KIF18A: variants seen among roughly 807,000 people sequenced by gnomAD.
The protein encoded by KIF18A is kinesin-like protein KIF18A.
A neutral mutation model predicts 103.3 loss-of-function variants in KIF18A; 67 were observed. The ratio of observed to expected loss-of-function variants is 0.65; its 90% confidence interval spans 0.53 to 0.79. The LOEUF is 0.79. Ranked by LOEUF, KIF18A falls within the 30% of genes least tolerant of loss-of-function variation. KIF18A has a pLI of 0.00. For synonymous variants in KIF18A, 367 were observed against 355.5 expected (o/e 1.03, Z -0.36); for missense variants, 1,032 against 1,062.5 (o/e 0.97, Z 0.40).
chr11:28,084,625 G>A lies in KIF18A; in HGVS notation c.1074+7C>T. ...CTTCACAACAAAGGCAGAGTAAACA[G>A]ACTTACAGAAGATTTAATGTCCTTT... is the stretch of plus-strand genomic sequence containing the variant. On this transcript the variant is annotated splice_region_variant and intron_variant, in intron 7 of 16. Transcript: ENST00000263181. The A allele has an allele frequency of 6.3e-7, 1 of 1,593,754 alleles. No individual in the cohort carries two copies. Among genetic ancestry groups the A allele is most frequent in the Non-Finnish European group, 8.6e-7 (1 of 1,164,390 alleles).
intron 10 of KIF18A, among the ~76,000 whole-genome samples, chr11:28,075,398 T>A (rs891958950): frequency 5.3e-5 from 8 of 152,176 alleles, no homozygotes; most frequent in Non-Finnish European, 7.4e-5. Flanking sequence ...ATAATATTAC[T>A]AAATATTTCA....
chr11:28,083,003 G>T (rs753718579), intron 8 of KIF18A, 35 bp from the exon 9 acceptor site: 30 of 1,480,804 alleles, frequency 2.0e-5, no homozygotes, highest in Non-Finnish European at 2.5e-5. Context: ...AAATACAAAA[G>T]AAGTCATTTA....
intron 15 of KIF18A, among the ~76,000 whole-genome samples, chr11:28,027,722 G>C (rs2133484964): frequency 6.6e-6 from 1 of 151,942 alleles, no homozygotes; most frequent in African/African-American, 2.4e-5. Flanking sequence ...TCCCAGCAAA[G>C]AAAAGCTTGG....
At chr11:28,022,253 A>G (rs375164929) in intron 16 of KIF18A, among the ~76,000 whole-genome samples, 1 of 151,488 alleles carries the variant, frequency 6.6e-6, no homozygotes, top group Non-Finnish European at 1.5e-5. Flanking sequence ...GAAAAAGCCA[A>G]GTTCTATGAT....
intron 15 of KIF18A, among the ~76,000 whole-genome samples, chr11:28,029,225 A>G (rs1439991368): frequency 6.6e-6 from 1 of 152,134 alleles, no homozygotes; most frequent in East Asian, 1.9e-4. Flanking sequence ...AGACACAACA[A>G]AAAAAGAGAA....
rs1850423977 is a variant in KIF18A at position 28,032,494 on chromosome 11, A to C, written c.2504+2893T>G. ...ACTACAGAGCTATAGTAACCAAAAA[A>C]GCACGGGACTGGCATAAAACCAGAC... On this transcript the variant is annotated intron_variant, in intron 15 of 16. Coordinates refer to ENST00000263181, the MANE Select transcript of KIF18A (RefSeq NM_031217.4). 2.0e-5 allele frequency among the ~76,000 whole-genome samples: 3 copies of C among 151,994 alleles called. No individual in the cohort carries two copies. In the South Asian group the frequency reaches 6.2e-4, roughly 31 times the overall value.
intron 13 of KIF18A, among the ~76,000 whole-genome samples, chr11:28,048,455 C>T (rs887895225): frequency 6.6e-6 from 1 of 151,968 alleles, no homozygotes; most frequent in African/African-American, 2.4e-5. Context: ...AATGTGTCTA[C>T]AGCAAGTAGT....
chr11:28,106,769 G>A (rs947526218), intron 1 of KIF18A, among the ~76,000 whole-genome samples: 1 of 151,988 alleles, frequency 6.6e-6, no homozygotes, highest in Non-Finnish European at 1.5e-5. Flanking sequence ...TCAGGAGTTC[G>A]AGACCAGCCT....
At chr11:28,067,516 T>C (rs1315930887) in intron 11 of KIF18A, among the ~76,000 whole-genome samples, 1 of 152,108 alleles carries the variant, frequency 6.6e-6, no homozygotes, top group African/African-American at 2.4e-5. Flanking sequence ...TGCTAGCCCA[T>C]CAGAGAATCC....
At chr11:28,054,149 A>T (rs939734817) in intron 13 of KIF18A, among the ~76,000 whole-genome samples, 1 of 152,162 alleles carries the variant, frequency 6.6e-6, no homozygotes, top group African/African-American at 2.4e-5. Flanking sequence ...AATAGTGAAA[A>T]TTTATTAAAC....
chr11:28,091,946 G>T (rs1366443520), intron 3 of KIF18A, among the ~76,000 whole-genome samples: 3 of 152,104 alleles, frequency 2.0e-5, no homozygotes, highest in Non-Finnish European at 4.4e-5. Context: ...CTCCCCAGTA[G>T]CTGGGACTAC....
At position 28,023,767 on chromosome 11, in the gene KIF18A, T is replaced by C; in HGVS notation, c.2588A>G (p.His863Arg). Residue 863 changes from histidine to arginine, a missense_variant, in exon 16 of 17, where the codon CAC (histidine) becomes CGC (arginine). Physicochemically the swap from His to Arg is conservative, Grantham distance 29 (BLOSUM62 0). Coordinates refer to ENST00000263181, the MANE Select transcript of KIF18A (RefSeq NM_031217.4). ...CATTGTTGGTTTGTTTTCTTGTAAG[T>C]GCTTCTCACTTGAATTATCTTGTCG... ...RVRQDNSSEK[H>R]LQENKPTMEH... 6.2e-7 allele frequency: 1 copy of C among 1,611,012 alleles called. No homozygotes were observed. Among genetic ancestry groups the C allele is most frequent in the South Asian group, 1.1e-5 (1 of 90,924 alleles).
chr11:28,051,704 T>C (rs1449718237), intron 13 of KIF18A, among the ~76,000 whole-genome samples: 1 of 152,050 alleles, frequency 6.6e-6, no homozygotes, highest in Non-Finnish European at 1.5e-5. Flanking sequence ...TTATACTATG[T>C]ATATTACAGG....
At position 28,024,401 on chromosome 11, in the gene KIF18A, G is replaced by A. The variant is rs1850286708; in HGVS notation, c.2505-551C>T. Reference sequence around the variant, plus strand: ...TGCTCTAGCTTCAAAAATTTAATCAGTCTTACACTGCTGATGGTTCAACTT... The same window carrying A: ...TGCTCTAGCTTCAAAAATTTAATCAATCTTACACTGCTGATGGTTCAACTT... On this transcript the variant is annotated intron_variant, in intron 15 of 16. Transcript: ENST00000263181. Among the ~76,000 whole-genome samples, 3 of 151,942 alleles carry A rather than the reference G, an allele frequency of 2.0e-5. No individual in the cohort carries two copies. The South Asian group carries it at 6.2e-4, about 32-fold the overall frequency.
In KIF18A at chr11:28,094,820, A is replaced by T; in HGVS notation, c.326-20T>A. The T allele has an allele frequency of 6.2e-7, 1 of 1,609,030 alleles. No homozygotes were observed. Among genetic ancestry groups the T allele is most frequent in the Non-Finnish European group, 8.5e-7 (1 of 1,175,470 alleles). On this transcript the variant is annotated intron_variant, in intron 2 of 16. Transcript: ENST00000263181. ...CAAGTACTGAGTTTTTAAGAAAGGGATCAAAACTCTTTGTTATGAAATATA... is the reference window on the plus strand; with the variant it reads ...CAAGTACTGAGTTTTTAAGAAAGGGTTCAAAACTCTTTGTTATGAAATATA...
intron 6 of KIF18A, 76 bp from the exon 7 acceptor site, chr11:28,084,884 T>C: frequency 8.8e-7 from 1 of 1,140,902 alleles, no homozygotes. Flanking sequence ...AGCACTTCAC[T>C]GTGGGGGGAG....
At chr11:28,082,110 G>C (rs1207280090) in intron 9 of KIF18A, among the ~76,000 whole-genome samples, 1 of 152,016 alleles carries the variant, frequency 6.6e-6, no homozygotes, top group Non-Finnish European at 1.5e-5. Context: ...CAAAGAAAAT[G>C]GTTTCTTGAG....
At chr11:28,099,129 T>C (rs1267461874) in intron 1 of KIF18A, among the ~76,000 whole-genome samples, 1 of 152,192 alleles carries the variant, frequency 6.6e-6, no homozygotes, top group African/African-American at 2.4e-5. Flanking sequence ...ATGTGGTATA[T>C]GCACTCAATG....
intron 13 of KIF18A, among the ~76,000 whole-genome samples, chr11:28,044,873 C>T (rs1309390716): frequency 6.6e-6 from 1 of 151,788 alleles, no homozygotes. Context: ...ATTAAATTTG[C>T]TATTAATAAA....
Sources: gnomAD v4.1 joint callset for allele counts (sites outside exome capture counted in the v4.1 genomes callset) on GRCh38, gnomAD v4.1.1 for gene constraint, MANE v1.5 for transcripts, NCBI Gene and HGNC (gene_info 2026-07-23, HGNC 2026-07-21) for gene names.